COG1: variants seen among roughly 807,000 people sequenced by gnomAD.
COG1 encodes conserved oligomeric Golgi complex subunit 1.
A neutral mutation model predicts 102.2 loss-of-function variants in COG1; 61 were observed. The ratio of observed to expected loss-of-function variants is 0.60; its 90% CI spans 0.49 to 0.74. The LOEUF (loss-of-function observed/expected upper bound fraction) is 0.74. Among genes scored for constraint, COG1 ranks in the 30% least tolerant of loss-of-function variants. The pLI is 0.00. For synonymous variants in COG1, 454 were observed against 493.6 expected (o/e 0.92, Z 1.06); for missense variants, 1,164 against 1,232.1 (o/e 0.94, Z 0.83).
chr17:73,201,392 A>T lies in COG1; in HGVS notation c.1565A>T (p.Asp522Val). Residue 522 changes from aspartate (D) to valine (V), a missense_variant, in exon 7 of 14, where the codon GAT becomes GTT. Transcript: ENST00000299886. Reference sequence around the variant, plus strand: ...GTACAGAACTTCTGTTCTGCCCTGGATTCTAAGCTGAAGGTTAAACTAGAT... The same window carrying T: ...GTACAGAACTTCTGTTCTGCCCTGGTTTCTAAGCTGAAGGTTAAACTAGAT... The part of the protein sequence containing the change: ...PCVQNFCSAL[D>V]SKLKVKLDDL... 1 of 1,614,202 alleles carries T rather than the reference A, an allele frequency of 6.2e-7. No individual in the cohort carries two copies.
chr17:73,205,763 G>A, intron 10 of COG1, 83 bp downstream of exon 10: 4 of 1,551,520 alleles, frequency 2.6e-6, no homozygotes, highest in South Asian at 2.2e-5. Context: ...ACCAGAGTCA[G>A]CCTGTTATAC....
intron 13 of COG1, chr17:73,207,561 T>TATC (rs951684338): frequency 7.1e-5 from 48 of 679,936 alleles, no homozygotes; most frequent in African/African-American, 6.8e-4. Flanking sequence ...AACCCGGCAC[T>TATC]ATCATTGTAC....
chr17:73,201,124 G>GA lies in COG1; in HGVS notation c.1297_1298insA (p.Gly433GlufsTer3). 6.2e-7 allele frequency: 1 copy of GA among 1,614,122 alleles called. No homozygotes were observed. Among genetic ancestry groups the GA allele is most frequent in the Non-Finnish European group, 8.5e-7 (1 of 1,180,016 alleles). On this transcript the variant is annotated frameshift_variant, in exon 7 of 14. Transcript: ENST00000299886. LOFTEE classifies it high-confidence loss of function. ...TCTCTTTTAGACTCTGACAAAAGAA[G>GA]GCTTTGACTCCATCTCCAGTAGCTC...
rs949320702 is a variant in COG1 at position 73,203,255 on chromosome 17, C to T, written c.2220+109C>T. ...ACTTCTGAGGAATAGCTGAAAGTAA[C>T]ATCTGTAATTTTCTACTGTGGGGGC... On this transcript the variant is annotated intron_variant, in intron 8 of 13. Coordinates refer to ENST00000299886, the MANE Select transcript of COG1 (RefSeq NM_018714.3). 4 of 1,402,592 alleles carry T rather than the reference C, an allele frequency of 2.9e-6. No homozygotes were observed. In the African/African-American group the frequency reaches 4.3e-5, roughly 15 times the overall value. 86.9% of individuals were successfully genotyped at this position (1,402,592 alleles called of 1,614,324 possible).
Position 73,205,625 on chromosome 17 carries a change from G to T in COG1, c.2455G>T (p.Val819Phe), listed in dbSNP as rs751017107. The change falls in exon 10 of 14, where the codon GTT becomes TTT. Residue 819 changes from valine (V) to phenylalanine (F), a missense_variant. Coordinates refer to ENST00000299886, the MANE Select transcript of COG1 (RefSeq NM_018714.3). ...TTATGATCTGCGTTACCTCAACATT[G>T]TTCTGACAGCCAAGGGTGACGAGGT... ...LLYDLRYLNI[V>F]LTAKGDEVKS... is the part of the protein sequence containing the mutation. The T allele has an allele frequency of 6.2e-7, 1 of 1,614,010 alleles. No homozygotes were observed. The highest frequency in any genetic ancestry group is 8.5e-7 in the Non-Finnish European group (1 of 1,180,044).
chr17:73,208,138 C>T, intron 13 of COG1, 176 bp from the exon 14 acceptor site: 1 of 1,495,868 alleles, frequency 6.7e-7, no homozygotes, highest in Non-Finnish European at 8.9e-7. Context: ...AAGGCTCATG[C>T]TGTTCCGTGT....
chr17:73,208,487 T>TACC lies in COG1; in HGVS notation c.*39_*41dup, dbSNP rs751180159. ...CATCTGTCTCTCCCTAAATAAATAC[T>TACC]ACCACATTATTTCTTCTAAAGGTGC... is the stretch of plus-strand genomic sequence containing the variant. On this transcript the variant is annotated 3_prime_UTR_variant, in exon 14 of 14. Coordinates refer to ENST00000299886, the MANE Select transcript of COG1 (RefSeq NM_018714.3). The TACC allele has an allele frequency of 7.5e-6, 12 of 1,604,474 alleles. No individual in the cohort carries two copies. Among genetic ancestry groups the TACC allele is most frequent in the Non-Finnish European group, 1.0e-5 (12 of 1,172,374 alleles).
At chr17:73,208,088 C>T (rs1298318727) in intron 13 of COG1, 2 of 1,433,014 alleles carry the variant, frequency 1.4e-6, no homozygotes, top group East Asian at 5.2e-5. Context: ...CTACCCTTTT[C>T]CCAAGACAGT....
In COG1 at chr17:73,193,210, G is replaced by A. The variant is rs550969109; in HGVS notation, c.141G>A (p.Glu47=). ...VRAEIEHKKE[E]LRQMVGERYR... ...CCGAGATCGAGCACAAGAAGGAGGAGCTGCGGCAGATGGTGGGCGAACGGT... is the reference window on the plus strand; with the variant it reads ...CCGAGATCGAGCACAAGAAGGAGGAACTGCGGCAGATGGTGGGCGAACGGT... Residue 47 remains glutamate, a synonymous_variant, in exon 1 of 14, where the codon GAG becomes GAA. Transcript: ENST00000299886. The A allele has an allele frequency of 5.0e-6, 8 of 1,609,090 alleles. No homozygotes were observed. In the South Asian group the frequency reaches 7.8e-5, roughly 16 times the overall value.
chr17:73,193,630 C>T (rs140060956), intron 1 of COG1, among the ~76,000 whole-genome samples: 129 of 152,344 alleles, frequency 8.5e-4, no homozygotes, highest in African/African-American at 3.0e-3. Flanking sequence ...CGCTTTCCCC[C>T]GACTTCCGGG....
intron 1 of COG1, among the ~76,000 whole-genome samples, chr17:73,194,432 ACT>A (rs1451826278): frequency 8.6e-5 from 8 of 93,290 alleles, no homozygotes; most frequent in South Asian, 4.3e-4. Flanking sequence ...ACAGAGCGAG[ACT>A]CTGTCTCAAA....
At chr17:73,194,152 A>ATTTTTTTT (rs1257232460) in intron 1 of COG1, among the ~76,000 whole-genome samples, 6 of 147,480 alleles carry the variant, frequency 4.1e-5, no homozygotes, top group South Asian at 2.4e-4. Flanking sequence ...TTCCTAAAGA[A>ATTTTTTTT]TTTTTATTGG....
intron 5 of COG1, among the ~76,000 whole-genome samples, chr17:73,200,278 A>G (rs1384157882): frequency 6.6e-6 from 1 of 152,180 alleles, no homozygotes; most frequent in Non-Finnish European, 1.5e-5. Context: ...AGAGTTCTGC[A>G]ACTCCTGTTT....
chr17:73,204,286 C>T (rs1164287979), intron 9 of COG1, among the ~76,000 whole-genome samples: 1 of 152,208 alleles, frequency 6.6e-6, no homozygotes, highest in Non-Finnish European at 1.5e-5. Flanking sequence ...AAATCATTAA[C>T]CTCCGTTTCC....
intron 5 of COG1, 59 bp downstream of exon 5, chr17:73,200,080 C>T (rs994855439): frequency 7.7e-5 from 119 of 1,551,652 alleles, no homozygotes; most frequent in Middle Eastern, 1.8e-4. Context: ...CAGCCTTGTA[C>T]GGGGCATTAC....
chr17:73,207,150 T>C (rs766539753), intron 12 of COG1, 31 bp from the exon 13 acceptor site: 2 of 1,582,510 alleles, frequency 1.3e-6, no homozygotes, highest in African/African-American at 1.4e-5. Flanking sequence ...TGCCTGTTTG[T>C]GCTACTAAAT....
chr17:73,196,285 G>A (rs2061324615), intron 1 of COG1, among the ~76,000 whole-genome samples: 1 of 152,132 alleles, frequency 6.6e-6, no homozygotes. Context: ...GTGGGGCTGA[G>A]CAAAAATGCA....
At position 73,208,341 on chromosome 17, in the gene COG1, G is replaced by GGTGACCCGACAGTTCCTGGC; in HGVS notation, c.2834_2853dup (p.Ser952ValfsTer34). On this transcript the variant is annotated frameshift_variant, in exon 14 of 14. Coordinates refer to ENST00000299886, the MANE Select transcript of COG1 (RefSeq NM_018714.3). LOFTEE classifies it high-confidence loss of function. ...TGTCCCCCCGGCACGCTCCACAGCT[G>GGTGACCCGACAGTTCCTGGC]GTGACCCGACAGTTCCTGGCTCCTT... 1 of 1,614,088 alleles carries GGTGACCCGACAGTTCCTGGC rather than the reference G, an allele frequency of 6.2e-7. No homozygotes were observed. Among genetic ancestry groups the GGTGACCCGACAGTTCCTGGC allele is most frequent in the East Asian group, 2.2e-5 (1 of 44,894 alleles).
chr17:73,205,931 A>G, intron 10 of COG1: 2 of 668,032 alleles, frequency 3.0e-6, no homozygotes, highest in Non-Finnish European at 5.2e-6. Flanking sequence ...GTATCATTTG[A>G]GCCCTTAGTG....
Sources: gnomAD v4.1 joint callset for allele counts (sites outside exome capture counted in the v4.1 genomes callset) on GRCh38, gnomAD v4.1.1 for gene constraint, MANE v1.5 for transcripts, NCBI Gene and HGNC (gene_info 2026-07-23, HGNC 2026-07-21) for gene names.